Variants in PRKG1 observed in about 807,000 individuals in gnomAD.
PRKG1 encodes the protein cGMP-dependent protein kinase 1.
A neutral mutation model predicts 88.1 loss-of-function variants in PRKG1; 35 were observed. That is an observed-to-expected ratio of 0.40 (90% CI 0.30 to 0.53). The LOEUF is 0.53. Ranked by LOEUF, PRKG1 falls within the 20% of genes least tolerant of loss-of-function variation. The pLI is 0.59. For synonymous variants in PRKG1, 303 were observed against 292.5 expected, an observed-to-expected ratio of 1.04 and a Z score of -0.37; for missense variants, 540 against 839.8, an observed-to-expected ratio of 0.64 and a Z score of 4.41.
chr10:52,165,311 G>T (rs34999724), intron 9 of PRKG1, among the ~76,000 whole-genome samples: 1 of 151,958 alleles, frequency 6.6e-6, no homozygotes, highest in African/African-American at 2.4e-5. Context: ...CCTAGAGAAA[G>T]CTTTCTAGTT....
Position 51,216,812 on chromosome 10 carries a change from G to A in PRKG1, c.478+63482G>A, listed in dbSNP as rs140364269. Among the ~76,000 whole-genome samples, 112 of 152,192 alleles carry A rather than the reference G, an allele frequency of 7.4e-4. 2 individuals carry two copies. In the East Asian group the frequency reaches 0.018, roughly 25 times the overall value. ...AGCTAATTCAGCATTGATTTTTTCA[G>A]GGGGATTTAAAAAGTATATTTGGTA... On this transcript the variant is annotated intron_variant, in intron 2 of 17. Transcript: ENST00000373980.
rs1289150100 is a variant in PRKG1 at position 52,181,580 on chromosome 10, C to T, written c.1076+19617C>T. Among the ~76,000 whole-genome samples the T allele has an allele frequency of 1.8e-4, 17 of 92,878 alleles. No individual in the cohort carries two copies. In the East Asian group the frequency reaches 5.9e-3, roughly 32 times the overall value. The allele number at this position is 92,878 out of a possible 152,430, so 60.9% of individuals were successfully genotyped here. ...GTATATCTCCCAAAGCTATCCCTCCCCCCTCCCCCGACCCCACCACAGTCC... is the reference window on the plus strand; with the variant it reads ...GTATATCTCCCAAAGCTATCCCTCCTCCCTCCCCCGACCCCACCACAGTCC... On this transcript the variant is annotated intron_variant, in intron 9 of 17. Transcript: ENST00000373980.
chr10:52,121,284 A>G (rs1847814498), intron 7 of PRKG1, among the ~76,000 whole-genome samples: 2 of 152,118 alleles, frequency 1.3e-5, no homozygotes, highest in Non-Finnish European at 2.9e-5. Flanking sequence ...AAATGCCTAG[A>G]TGATCTTTGT....
chr10:51,009,082 G>T (rs575783426), intron 1 of PRKG1, among the ~76,000 whole-genome samples: 1 of 152,122 alleles, frequency 6.6e-6, no homozygotes. Context: ...GGCTTAAAAT[G>T]TGAGACAACT....
intron 7 of PRKG1, among the ~76,000 whole-genome samples, chr10:52,100,691 G>A (rs1847274665): frequency 6.6e-6 from 1 of 152,168 alleles, no homozygotes; most frequent in African/African-American, 2.4e-5. Context: ...GTCAAAACGA[G>A]AGCCTTTATC....
chr10:51,059,598 A>G lies in PRKG1; in HGVS notation c.266+67954A>G, dbSNP rs140496538. Among the ~76,000 whole-genome samples, 516 of 152,252 alleles carry G rather than the reference A, an allele frequency of 3.4e-3. 3 individuals carry two copies. Among genetic ancestry groups the G allele is most frequent in the African/African-American group, 0.011 (456 of 41,562 alleles). On this transcript the variant is annotated intron_variant, in intron 1 of 17. Coordinates refer to the PRKG1 transcript ENST00000401604. ...TTTCAAAATTATTTTAAAATTATAA[A>G]TGGATTTTGAATTTTATTAAATACT...
intron 2 of PRKG1, among the ~76,000 whole-genome samples, chr10:51,387,577 G>A (rs1008960185): frequency 6.6e-6 from 1 of 151,986 alleles, no homozygotes; most frequent in East Asian, 1.9e-4. Context: ...TTTTCTGCCT[G>A]TTTCACTTAG....
At chr10:52,079,060 C>T (rs899919974) in intron 7 of PRKG1, among the ~76,000 whole-genome samples, 6 of 152,198 alleles carry the variant, frequency 3.9e-5, no homozygotes, top group African/African-American at 1.4e-4. Flanking sequence ...AAACAGTTTC[C>T]TCTGTTAAGA....
intron 8 of PRKG1, among the ~76,000 whole-genome samples, chr10:52,157,294 TGTGA>T (rs1002388177): frequency 3.0e-5 from 4 of 134,092 alleles, no homozygotes; most frequent in African/African-American, 1.1e-4. Flanking sequence ...ATATATTGTG[TGTGA>T]GTTAGTTGAT....
At chr10:51,720,466 T>G (rs1302343675) in intron 3 of PRKG1, among the ~76,000 whole-genome samples, 1 of 152,222 alleles carries the variant, frequency 6.6e-6, no homozygotes, top group East Asian at 1.9e-4. Flanking sequence ...TCATGTCCTG[T>G]GCGAAGAGTT....
intron 1 of PRKG1, among the ~76,000 whole-genome samples, chr10:51,000,501 G>A (rs962358576): frequency 6.6e-6 from 1 of 152,190 alleles, no homozygotes; most frequent in Non-Finnish European, 1.5e-5. Flanking sequence ...TTATTTATAA[G>A]TAAATGTAAG....
At chr10:51,086,541 A>T (rs999078455) in intron 1 of PRKG1, among the ~76,000 whole-genome samples, 2 of 152,180 alleles carry the variant, frequency 1.3e-5, no homozygotes, top group African/African-American at 4.8e-5. Flanking sequence ...AAAAATTCTG[A>T]TATTTGAAGA....
At chr10:51,015,976 G>C (rs1490844126) in intron 1 of PRKG1, among the ~76,000 whole-genome samples, 1 of 152,178 alleles carries the variant, frequency 6.6e-6, no homozygotes, top group East Asian at 1.9e-4. Context: ...ATGCTTGATG[G>C]AGGAGGCAAA....
At chr10:51,564,025 TC>T in intron 3 of PRKG1, among the ~76,000 whole-genome samples, 1 of 152,294 alleles carries the variant, frequency 6.6e-6, no homozygotes. Flanking sequence ...CAGTAAGCTT[TC>T]TTTGATCAGG....
At chr10:51,995,683 T>C (rs1013635704) in intron 5 of PRKG1, among the ~76,000 whole-genome samples, 1 of 152,094 alleles carries the variant, frequency 6.6e-6, no homozygotes, top group African/African-American at 2.4e-5. Flanking sequence ...ATCTGGTGGA[T>C]TAGGTTTGAT....
chr10:51,988,751 C>T (rs1275644621), intron 5 of PRKG1, among the ~76,000 whole-genome samples: 1 of 151,876 alleles, frequency 6.6e-6, no homozygotes, highest in Non-Finnish European at 1.5e-5. Context: ...TTCTTTTAGG[C>T]ACTAATCTTT....
At chr10:52,045,869 T>A (rs755525190) in intron 5 of PRKG1, among the ~76,000 whole-genome samples, 6 of 152,074 alleles carry the variant, frequency 3.9e-5, no homozygotes, top group Non-Finnish European at 8.8e-5. Context: ...GGGGGCATGA[T>A]GGTTCTTGCA....
intron 5 of PRKG1, among the ~76,000 whole-genome samples, chr10:52,019,364 TTA>T: frequency 6.6e-6 from 1 of 152,286 alleles, no homozygotes; most frequent in East Asian, 1.9e-4. Flanking sequence ...TTCTTGATGA[TTA>T]TGTTTCAAAG....
intron 2 of PRKG1, among the ~76,000 whole-genome samples, chr10:51,394,807 T>C (rs1028168261): frequency 1.3e-5 from 2 of 152,168 alleles, no homozygotes; most frequent in Admixed American, 1.3e-4. Context: ...AACTGGGGTA[T>C]CAATCAAGGG....
Sources: gnomAD v4.1 joint callset for allele counts (sites outside exome capture counted in the v4.1 genomes callset) on GRCh38, gnomAD v4.1.1 for gene constraint, MANE v1.5 for transcripts, NCBI Gene and HGNC (gene_info 2026-07-23, HGNC 2026-07-21) for gene names.